Variants in PCCA observed in about 807,000 individuals in gnomAD.
The protein encoded by PCCA is propionyl-CoA carboxylase subunit alpha, also known as propionyl-CoA carboxylase alpha chain, mitochondrial.
In PCCA, 74 loss-of-function variants were observed where a neutral mutation model predicts 101.3. The ratio of observed to expected loss-of-function variants is 0.73; its 90% CI spans 0.61 to 0.89. The LOEUF (loss-of-function observed/expected upper bound fraction) is 0.89, where lower values mean the gene tolerates loss of function less well. Among genes scored for constraint, PCCA ranks in the 40% least tolerant of loss-of-function variants. PCCA has a pLI of 0.00. For missense variants in PCCA, 891 were observed against 907.0 expected (o/e 0.98, Z 0.23); for synonymous variants, 294 against 313.6 (o/e 0.94, Z 0.66).
chr13:100,119,691 A>C (rs2049175071), intron 4 of PCCA, among the ~76,000 whole-genome samples: 1 of 151,980 alleles, frequency 6.6e-6, no homozygotes. Flanking sequence ...TTCACTGAGA[A>C]TGTAATCTTT....
chr13:100,440,660 T>G (rs1858048951), intron 20 of PCCA, among the ~76,000 whole-genome samples: 1 of 152,020 alleles, frequency 6.6e-6, no homozygotes, highest in African/African-American at 2.4e-5. Context: ...GTTTTACAGG[T>G]TTTAAAAATG....
chr13:100,229,963 G>A (rs1407797987), intron 7 of PCCA, among the ~76,000 whole-genome samples: 1 of 152,192 alleles, frequency 6.6e-6, no homozygotes, highest in African/African-American at 2.4e-5. Context: ...TTATAAAACC[G>A]CTGCTCTGGA....
rs1201697157 is a variant in PCCA at position 100,515,481 on chromosome 13, G to C, written c.1954G>C (p.Glu652Gln). The change falls in exon 22 of 24, where the codon GAA (glutamate) becomes CAA (glutamine). Residue 652 changes from glutamate (E) to glutamine (Q), a missense_variant. Transcript: ENST00000376285. ...CGCAGAATTGAACAAATTTATGCTG[G>C]AAAAAGTGACTGAGGACACAAGCAG... Reference protein sequence around the residue: ...LAAELNKFMLEKVTEDTSSVL... With the variant: ...LAAELNKFMLQKVTEDTSSVL... 1.2e-6 allele frequency: 2 copies of C among 1,613,986 alleles called. No individual in the cohort carries two copies. The highest frequency in any genetic ancestry group is 2.7e-5 in the African/African-American group (2 of 74,916).
chr13:100,367,492 T>G (rs915209136), intron 18 of PCCA, among the ~76,000 whole-genome samples: 8 of 152,254 alleles, frequency 5.3e-5, no homozygotes, highest in South Asian at 2.1e-4. Context: ...TGTGTGTGTG[T>G]GTGTGTGAAT....
intron 6 of PCCA, among the ~76,000 whole-genome samples, chr13:100,178,946 A>G (rs564733703): frequency 1.3e-4 from 19 of 151,530 alleles, no homozygotes; most frequent in Non-Finnish European, 1.9e-4. Flanking sequence ...GCGTGGTGGC[A>G]GGCGCCTGTA....
At chr13:100,334,712 A>G (rs1309449318) in intron 17 of PCCA, among the ~76,000 whole-genome samples, 3 of 152,270 alleles carry the variant, frequency 2.0e-5, no homozygotes, top group African/African-American at 7.2e-5. Context: ...AAATGGAAGT[A>G]TCTCAAAATA....
intron 21 of PCCA, among the ~76,000 whole-genome samples, chr13:100,486,749 CA>C (rs1349636157): frequency 6.6e-6 from 1 of 151,978 alleles, no homozygotes; most frequent in Non-Finnish European, 1.5e-5. Context: ...CTCATCTCTG[CA>C]AAAAATTCAA....
rs1035410697 is a variant in PCCA at position 100,315,476 on chromosome 13, A to G, written c.1429+5568A>G. On this transcript the variant is annotated intron_variant, in intron 16 of 23. Transcript: ENST00000376285. Reference sequence around the variant, plus strand: ...TTATGAAAGGCAGAAAAGGGAAGACAATCTACTGTCTTGTTTGGTAACTGC... The same window carrying G: ...TTATGAAAGGCAGAAAAGGGAAGACGATCTACTGTCTTGTTTGGTAACTGC... Among the ~76,000 whole-genome samples, 7 of 152,328 alleles carry G rather than the reference A, an allele frequency of 4.6e-5. No individual in the cohort carries two copies. The East Asian group carries it at 1.3e-3, about 29-fold the overall frequency.
intron 16 of PCCA, among the ~76,000 whole-genome samples, chr13:100,316,676 T>C (rs970394987): frequency 6.6e-6 from 1 of 152,176 alleles, no homozygotes; most frequent in Non-Finnish European, 1.5e-5. Context: ...TATTTTAACA[T>C]TGGCCACACA....
intron 19 of PCCA, among the ~76,000 whole-genome samples, chr13:100,399,411 C>G (rs754576733): frequency 1.3e-5 from 2 of 152,230 alleles, no homozygotes; most frequent in East Asian, 1.9e-4. Flanking sequence ...CTTGCCCCTC[C>G]TCCTTAAAAG....
At chr13:100,347,075 C>T (rs1451490759) in intron 18 of PCCA, among the ~76,000 whole-genome samples, 2 of 152,110 alleles carry the variant, frequency 1.3e-5, no homozygotes, top group African/African-American at 4.8e-5. Context: ...CGGGGTTTCA[C>T]CGTGTTAGCC....
In PCCA at chr13:100,395,437, A is replaced by T. The variant is rs75842577; in HGVS notation, c.1746+26863A>T. Among the ~76,000 whole-genome samples the T allele has an allele frequency of 6.0e-3, 911 of 152,372 alleles. 24 individuals are homozygous for T. The highest frequency in any genetic ancestry group is 0.043 in the Admixed American group (662 of 15,302). ...TTAAAAATAATCAACAAAGGCTTTAAAAAGTTTAAAAAATGTATTTGGAGC... is the reference window on the plus strand; with the variant it reads ...TTAAAAATAATCAACAAAGGCTTTATAAAGTTTAAAAAATGTATTTGGAGC... On this transcript the variant is annotated intron_variant, in intron 19 of 23. Transcript: ENST00000376285.
intron 20 of PCCA, among the ~76,000 whole-genome samples, chr13:100,441,475 G>GT (rs1296270935): frequency 5.9e-5 from 9 of 152,150 alleles, no homozygotes; most frequent in Non-Finnish European, 8.8e-5. Context: ...TTTTGCAAAT[G>GT]TTTTTGCCTT....
intron 4 of PCCA, among the ~76,000 whole-genome samples, chr13:100,134,585 C>G (rs2050919803): frequency 6.6e-6 from 1 of 152,160 alleles, no homozygotes; most frequent in African/African-American, 2.4e-5. Context: ...TAGACAGGGT[C>G]TTGCTCTGTT....
intron 6 of PCCA, among the ~76,000 whole-genome samples, chr13:100,202,665 T>C (rs1337857941): frequency 6.6e-6 from 1 of 151,514 alleles, no homozygotes; most frequent in Admixed American, 6.6e-5. Context: ...TTGGTTCTCT[T>C]CAAGGATTCC....
At chr13:100,295,819 A>C (rs1395093436) in intron 12 of PCCA, among the ~76,000 whole-genome samples, 1 of 152,212 alleles carries the variant, frequency 6.6e-6, no homozygotes, top group Non-Finnish European at 1.5e-5. Flanking sequence ...CCTCCTCCTC[A>C]TAATGGCCAA....
chr13:100,247,347 G>C (rs547696695), intron 8 of PCCA, among the ~76,000 whole-genome samples: 1 of 150,696 alleles, frequency 6.6e-6, no homozygotes, highest in South Asian at 2.1e-4. Flanking sequence ...CTCCCAAGTA[G>C]TTGGGACTAC....
intron 4 of PCCA, among the ~76,000 whole-genome samples, chr13:100,133,772 C>T (rs2050813321): frequency 6.6e-6 from 1 of 152,150 alleles, no homozygotes; most frequent in Non-Finnish European, 1.5e-5. Context: ...GAGGCAGACC[C>T]ACCCCCAATC....
At chr13:100,291,296 A>C (rs2065100282) in intron 12 of PCCA, among the ~76,000 whole-genome samples, 1 of 152,192 alleles carries the variant, frequency 6.6e-6, no homozygotes, top group South Asian at 2.1e-4. Flanking sequence ...AGAAAAGTGT[A>C]CGGGATGATA....
Sources: gnomAD v4.1 joint callset for allele counts (sites outside exome capture counted in the v4.1 genomes callset) on GRCh38, gnomAD v4.1.1 for gene constraint, MANE v1.5 for transcripts, NCBI Gene and HGNC (gene_info 2026-07-23, HGNC 2026-07-21) for gene names.